Variants in PRKAR2A observed in about 807,000 individuals in gnomAD.
The protein encoded by PRKAR2A is protein kinase cAMP-dependent type II regulatory subunit alpha.
PRKAR2A carries 29 observed loss-of-function variants against 51.9 expected under a neutral mutation model. That is an observed-to-expected ratio of 0.56 (90% CI 0.42 to 0.76). The LOEUF (loss-of-function observed/expected upper bound fraction) is 0.76, where lower values mean the gene tolerates loss of function less well. Among genes scored for constraint, PRKAR2A ranks in the 30% least tolerant of loss-of-function variants. The pLI, the probability that PRKAR2A is intolerant of heterozygous loss-of-function variation, is 0.00. For synonymous variants in PRKAR2A, 178 were observed against 186.2 expected (o/e 0.96, Z 0.36); for missense variants, 445 against 512.1 (o/e 0.87, Z 1.26).
chr3:48,768,488 A>C (rs2081975805), intron 6 of PRKAR2A, among the ~76,000 whole-genome samples: 1 of 151,962 alleles, frequency 6.6e-6, no homozygotes, highest in South Asian at 2.1e-4. Context: ...ACTTGAGGTC[A>C]GGAGTTCGAG....
intron 6 of PRKAR2A, among the ~76,000 whole-genome samples, chr3:48,766,191 T>C (rs1396138311): frequency 1.3e-5 from 2 of 152,040 alleles, no homozygotes; most frequent in African/African-American, 2.4e-5. Context: ...CATTCCAGCC[T>C]GGGCAGCAGA....
chr3:48,839,212 C>T (rs1294070646), intron 1 of PRKAR2A, among the ~76,000 whole-genome samples: 4 of 151,584 alleles, frequency 2.6e-5, no homozygotes, highest in Non-Finnish European at 4.4e-5. Flanking sequence ...TGCTTCAACC[C>T]GGGAGGCAGA....
chr3:48,835,952 C>A (rs2083276834), intron 1 of PRKAR2A, among the ~76,000 whole-genome samples: 1 of 152,076 alleles, frequency 6.6e-6, no homozygotes, highest in Admixed American at 6.6e-5. Context: ...TGGAACAGAA[C>A]TGAGTCTAGA....
chr3:48,756,171 A>C (rs959455367), intron 9 of PRKAR2A, among the ~76,000 whole-genome samples: 2 of 152,234 alleles, frequency 1.3e-5, no homozygotes, highest in Admixed American at 6.5e-5. Context: ...GCAGAGGCAA[A>C]GGGAGCAAGA....
intron 9 of PRKAR2A, among the ~76,000 whole-genome samples, chr3:48,755,822 A>AG (rs1300549949): frequency 7.4e-6 from 1 of 134,914 alleles, no homozygotes; most frequent in Non-Finnish European, 1.5e-5. Flanking sequence ...TCTGTCGCCC[A>AG]GGCTGGAGTG....
At chr3:48,822,721 G>A (rs957479958) in intron 1 of PRKAR2A, among the ~76,000 whole-genome samples, 2 of 147,538 alleles carry the variant, frequency 1.4e-5, no homozygotes, top group Non-Finnish European at 3.0e-5. Flanking sequence ...GCCCCAGGAT[G>A]TTGTTTTTTT....
chr3:48,768,382 C>CACAT (rs1284189738), intron 6 of PRKAR2A, among the ~76,000 whole-genome samples: 5 of 151,802 alleles, frequency 3.3e-5, no homozygotes, highest in Non-Finnish European at 7.4e-5. Flanking sequence ...CACACACACA[C>CACAT]ACATACATAG....
At chr3:48,816,545 G>A (rs1207720945) in intron 1 of PRKAR2A, among the ~76,000 whole-genome samples, 1 of 152,130 alleles carries the variant, frequency 6.6e-6, no homozygotes, top group East Asian at 1.9e-4. Context: ...GGCTGAGGCA[G>A]GAGAATTGCT....
At chr3:48,798,985 T>G (rs2082541808) in intron 2 of PRKAR2A, among the ~76,000 whole-genome samples, 1 of 152,188 alleles carries the variant, frequency 6.6e-6, no homozygotes, top group Admixed American at 6.5e-5. Context: ...AACCCTGGAC[T>G]TACCTCTCTT....
At chr3:48,768,751 C>A (rs2081978257) in intron 6 of PRKAR2A, among the ~76,000 whole-genome samples, 1 of 151,948 alleles carries the variant, frequency 6.6e-6, no homozygotes, top group African/African-American at 2.4e-5. Flanking sequence ...AGTTAACTCC[C>A]AATATTTTAC....
chr3:48,795,597 C>T (rs1190507943), intron 2 of PRKAR2A, among the ~76,000 whole-genome samples: 2 of 152,148 alleles, frequency 1.3e-5, no homozygotes, highest in Admixed American at 6.6e-5. Context: ...GGTACAGTGG[C>T]GCAATCTTGG....
chr3:48,754,770 G>A (rs1169484171), intron 9 of PRKAR2A, among the ~76,000 whole-genome samples: 4 of 151,252 alleles, frequency 2.6e-5, no homozygotes, highest in African/African-American at 9.7e-5. Context: ...CGACACTCTA[G>A]CTTAAAATAA....
Position 48,747,529 on chromosome 3 carries a change from AT to A in PRKAR2A, c.*4055del, listed in dbSNP as rs1484189307. Reference sequence around the variant, plus strand: ...CCATTTCTTGCGACTTTGCTGCTGAATTCACTCATTAAACTGCTCAAAGGAA... The same window carrying A: ...CCATTTCTTGCGACTTTGCTGCTGAATCACTCATTAAACTGCTCAAAGGAA... On this transcript the variant is annotated 3_prime_UTR_variant, in exon 11 of 11. Coordinates refer to ENST00000265563, the MANE Select transcript of PRKAR2A (RefSeq NM_004157.4). The A allele has an allele frequency of 6.6e-6, 1 of 152,208 alleles. No individual in the cohort carries two copies. The highest frequency in any genetic ancestry group is 1.5e-5 in the Non-Finnish European group (1 of 68,050). The allele number at this position is 152,208 out of a possible 1,614,324, so 9.4% of individuals were successfully genotyped here.
At chr3:48,784,075 A>G (rs1380673148) in intron 4 of PRKAR2A, among the ~76,000 whole-genome samples, 1 of 152,224 alleles carries the variant, frequency 6.6e-6, no homozygotes, top group East Asian at 1.9e-4. Context: ...TGCCTGCCAT[A>G]ACCAGACATC....
At chr3:48,807,795 C>T in intron 1 of PRKAR2A, 111 bp from the exon 2 acceptor site, 1 of 781,008 alleles carries the variant, frequency 1.3e-6, no homozygotes, top group Non-Finnish European at 2.2e-6. Flanking sequence ...CAAAACCAAG[C>T]AGTGGGTCAG....
intron 2 of PRKAR2A, among the ~76,000 whole-genome samples, chr3:48,798,881 G>C (rs2082540026): frequency 6.6e-6 from 1 of 151,880 alleles, no homozygotes; most frequent in South Asian, 2.1e-4. Flanking sequence ...GGCTGGTCTC[G>C]AACTCCTGGC....
At chr3:48,819,900 CAG>C (rs1221876381) in intron 1 of PRKAR2A, among the ~76,000 whole-genome samples, 1 of 152,136 alleles carries the variant, frequency 6.6e-6, no homozygotes, top group Non-Finnish European at 1.5e-5. Flanking sequence ...GTTAGGTAAC[CAG>C]AGTTATCCTT....
intron 1 of PRKAR2A, among the ~76,000 whole-genome samples, chr3:48,828,630 G>A (rs1017006256): frequency 2.0e-5 from 3 of 148,346 alleles, no homozygotes; most frequent in Non-Finnish European, 3.0e-5. Flanking sequence ...TGAGGTGGGA[G>A]GATCTTGCTT....
chr3:48,786,341 T>TCC (rs2082292685), intron 4 of PRKAR2A, among the ~76,000 whole-genome samples: 1 of 150,280 alleles, frequency 6.7e-6, no homozygotes, highest in Non-Finnish European at 1.5e-5. Flanking sequence ...CCCAGGCTGG[T>TCC]CCCGTACTCC....
Sources: gnomAD v4.1 joint callset for allele counts (sites outside exome capture counted in the v4.1 genomes callset) on GRCh38, gnomAD v4.1.1 for gene constraint, MANE v1.5 for transcripts, NCBI Gene and HGNC (gene_info 2026-07-23, HGNC 2026-07-21) for gene names.